Variants in L3MBTL4 observed in about 807,000 individuals in gnomAD.
The protein encoded by L3MBTL4 is L3MBTL histone methyl-lysine binding protein 4.
A neutral mutation model predicts 84.5 loss-of-function variants in L3MBTL4; 70 were observed. That is an observed-to-expected ratio of 0.83 (90% CI 0.68 to 1.01). The LOEUF is 1.01. Ranked by LOEUF, L3MBTL4 falls within the 50% of genes least tolerant of loss-of-function variation. The pLI, the probability that L3MBTL4 is intolerant of heterozygous loss-of-function variation, is 0.00. For missense variants in L3MBTL4, 715 were observed against 754.8 expected, an observed-to-expected ratio of 0.95 and a Z score of 0.62; for synonymous variants, 274 against 259.8, an observed-to-expected ratio of 1.05 and a Z score of -0.52.
chr18:6,363,616 T>C (rs2053807895), intron 1 of L3MBTL4, among the ~76,000 whole-genome samples: 2 of 152,190 alleles, frequency 1.3e-5, no homozygotes, highest in African/African-American at 4.8e-5. Context: ...ATACTTCATA[T>C]GAGTTAACCC....
At chr18:6,378,406 T>G (rs1176315743) in intron 1 of L3MBTL4, among the ~76,000 whole-genome samples, 1 of 152,236 alleles carries the variant, frequency 6.6e-6, no homozygotes, top group Non-Finnish European at 1.5e-5. Flanking sequence ...GCCTATGTCC[T>G]GAATGGTATT....
chr18:6,364,635 G>T (rs993208063), intron 1 of L3MBTL4, among the ~76,000 whole-genome samples: 1 of 152,004 alleles, frequency 6.6e-6, no homozygotes, highest in Non-Finnish European at 1.5e-5. Context: ...GATGAAATTA[G>T]ATTTCATCAT....
At chr18:6,030,302 A>C (rs933412056) in intron 16 of L3MBTL4, 3 of 985,268 alleles carry the variant, frequency 3.0e-6, no homozygotes, top group African/African-American at 3.5e-5. Flanking sequence ...CAAATCAATA[A>C]TATGCTTTTA....
chr18:6,039,470 T>C (rs1256026474), intron 16 of L3MBTL4, among the ~76,000 whole-genome samples: 2 of 152,196 alleles, frequency 1.3e-5, no homozygotes, highest in Non-Finnish European at 2.9e-5. Flanking sequence ...CTTCACTTTT[T>C]GAGTTTCCCC....
chr18:5,996,117 A>G (rs1217219584), intron 16 of L3MBTL4, among the ~76,000 whole-genome samples: 1 of 152,242 alleles, frequency 6.6e-6, no homozygotes, highest in Non-Finnish European at 1.5e-5. Context: ...CTAACTAGTG[A>G]TATTTCCATT....
At chr18:6,110,070 A>G (rs1197617757) in intron 14 of L3MBTL4, among the ~76,000 whole-genome samples, 2 of 152,272 alleles carry the variant, frequency 1.3e-5, no homozygotes, top group Non-Finnish European at 1.5e-5. Flanking sequence ...GCCCACAGAT[A>G]TGATTTAAAA....
chr18:6,022,674 T>TTTAATTTG (rs1349763707), intron 16 of L3MBTL4, among the ~76,000 whole-genome samples: 2 of 152,232 alleles, frequency 1.3e-5, no homozygotes. Flanking sequence ...AGGTGTATAT[T>TTTAATTTG]TTAATTTGTT....
chr18:6,058,919 G>A (rs572052289), intron 16 of L3MBTL4, among the ~76,000 whole-genome samples: 1 of 152,296 alleles, frequency 6.6e-6, no homozygotes, highest in African/African-American at 2.4e-5. Flanking sequence ...TGGCTCCTGA[G>A]AAAAATACTG....
chr18:6,199,207 C>T (rs1211235154), intron 12 of L3MBTL4, among the ~76,000 whole-genome samples: 2 of 152,110 alleles, frequency 1.3e-5, no homozygotes, highest in Non-Finnish European at 2.9e-5. Flanking sequence ...GGTAATCAGC[C>T]CCCTCATGCC....
At chr18:6,136,710 G>A (rs941536852) in intron 14 of L3MBTL4, among the ~76,000 whole-genome samples, 2 of 152,308 alleles carry the variant, frequency 1.3e-5, no homozygotes, top group Middle Eastern at 3.4e-3. Flanking sequence ...ATTCTGTAAT[G>A]GGGATCTTGA....
intron 1 of L3MBTL4, among the ~76,000 whole-genome samples, chr18:6,376,496 T>C (rs550634584): frequency 6.6e-6 from 1 of 152,280 alleles, no homozygotes; most frequent in East Asian, 1.9e-4. Flanking sequence ...CCCAGCACTT[T>C]GGGAGGTTGA....
intron 10 of L3MBTL4, among the ~76,000 whole-genome samples, chr18:6,234,214 T>C (rs928996010): frequency 1.3e-5 from 2 of 152,110 alleles, no homozygotes; most frequent in Non-Finnish European, 2.9e-5. Context: ...ATAAAAACCC[T>C]ACAAGAAAAC....
chr18:6,093,568 A>G (rs1399331470), intron 14 of L3MBTL4, 40 bp from the exon 15 acceptor site: 1 of 1,532,440 alleles, frequency 6.5e-7, no homozygotes, highest in Non-Finnish European at 8.8e-7. Flanking sequence ...ATCAGTATAC[A>G]GTGATAAATC....
At chr18:5,973,906 G>T (rs980286911) in intron 16 of L3MBTL4, among the ~76,000 whole-genome samples, 5 of 152,292 alleles carry the variant, frequency 3.3e-5, no homozygotes, top group Admixed American at 2.6e-4. Flanking sequence ...AGGAAATTCA[G>T]CCTGCAAAAG....
In L3MBTL4 at chr18:6,244,511, C is replaced by A; in HGVS notation, c.297G>T (p.Ser99=). ...CCGCTACAGAAAGCACACAGAATACCGATGGATGTCGGGGATCAATGCCTT... is the reference window on the plus strand; with the variant it reads ...CCGCTACAGAAAGCACACAGAATACAGATGGATGTCGGGGATCAATGCCTT... ...RLEGIDPRHP[S]VFCVLSVAEV... is the part of the protein sequence containing the mutation. Residue 99 remains serine (S), a synonymous_variant, in exon 6 of 19, where the codon TCG becomes TCT. Coordinates refer to ENST00000317931, the MANE Select transcript of L3MBTL4 (RefSeq NM_001330559.2). 6.2e-7 allele frequency: 1 copy of A among 1,613,318 alleles called. No homozygotes were observed. Among genetic ancestry groups the A allele is most frequent in the Admixed American group, 1.7e-5 (1 of 59,986 alleles).
At chr18:6,100,973 A>T (rs1347036043) in intron 14 of L3MBTL4, among the ~76,000 whole-genome samples, 1 of 151,984 alleles carries the variant, frequency 6.6e-6, no homozygotes, top group Non-Finnish European at 1.5e-5. Flanking sequence ...CCCATTTCCC[A>T]CTCAGCCTTT....
At chr18:6,221,340 T>C (rs190034027) in intron 10 of L3MBTL4, among the ~76,000 whole-genome samples, 23 of 149,284 alleles carry the variant, frequency 1.5e-4, no homozygotes, top group Admixed American at 9.9e-4. Context: ...CCAATAGTCC[T>C]ATTTAATAAG....
Position 6,301,925 on chromosome 18 carries a change from A to T in L3MBTL4, c.105T>A (p.Asp35Glu). ...EQAEEEKKPK[D>E]STTPLSHVPS... ...TACCGTGACTCAAAGGGGTTGTGCT[A>T]TCCTTGGGCTTCTTTTCCTCTTCAG... The change falls in exon 4 of 19, where the codon GAT (aspartate) becomes GAA (glutamate). Residue 35 changes from aspartate to glutamate, a missense_variant. Asp to Glu is a conservative substitution (Grantham distance 45, BLOSUM62 2). Transcript: ENST00000317931. 6.2e-7 allele frequency: 1 copy of T among 1,613,526 alleles called. No homozygotes were observed. The highest frequency in any genetic ancestry group is 8.5e-7 in the Non-Finnish European group (1 of 1,179,434).
intron 10 of L3MBTL4, among the ~76,000 whole-genome samples, chr18:6,221,749 A>G (rs2046563858): frequency 6.6e-6 from 1 of 152,174 alleles, no homozygotes; most frequent in African/African-American, 2.4e-5. Context: ...CATTTTAAGA[A>G]CCTGAATTAT....
Sources: allele counts gnomAD v4.1 joint callset (sites outside exome capture counted in the v4.1 genomes callset), GRCh38; gene constraint gnomAD v4.1.1; transcripts MANE v1.5; gene names NCBI Gene and HGNC (gene_info 2026-07-23, HGNC 2026-07-21).